IQCM: variants seen among roughly 807,000 people sequenced by gnomAD.
IQCM encodes IQ motif containing M.
IQCM carries 45 observed loss-of-function variants against 57.6 expected under a neutral mutation model. The ratio of observed to expected loss-of-function variants is 0.78; its 90% CI spans 0.62 to 1.00. The LOEUF (loss-of-function observed/expected upper bound fraction) is 1.00. IQCM is among the 50% of genes least tolerant of loss of function. IQCM has a pLI of 0.00. For missense variants in IQCM, 468 were observed against 511.6 expected, an observed-to-expected ratio of 0.91 and a Z score of 0.82; for synonymous variants, 148 against 158.9, an observed-to-expected ratio of 0.93 and a Z score of 0.51.
Position 149,733,397 on chromosome 4 carries a change from G to C in IQCM, c.232C>G (p.Gln78Glu). 2 of 1,231,742 alleles carry C rather than the reference G, an allele frequency of 1.6e-6. No individual in the cohort carries two copies. The highest frequency in any genetic ancestry group is 2.0e-6 in the Non-Finnish European group (2 of 987,744). 76.3% of individuals were successfully genotyped at this position (1,231,742 alleles called of 1,614,324 possible). ...CTTCTGAGTGCGGCCCGATGTTCTTGCACCACATCACGTGTTACCTTTTTG... is the reference window on the plus strand; with the variant it reads ...CTTCTGAGTGCGGCCCGATGTTCTTCCACCACATCACGTGTTACCTTTTTG... Reference protein sequence around the residue: ...IDKKVTRDVVQEHRAALRRIC... With the variant: ...IDKKVTRDVVEEHRAALRRIC... The change falls in exon 5 of 14, where the codon CAA (glutamine) becomes GAA (glutamate). Residue 78 changes from glutamine to glutamate, a missense_variant. Transcript: ENST00000636793.
chr4:149,687,638 A>G (rs1762641555), intron 5 of IQCM, among the ~76,000 whole-genome samples: 1 of 151,790 alleles, frequency 6.6e-6, no homozygotes, highest in Non-Finnish European at 1.5e-5. Flanking sequence ...CCAGGAAAGG[A>G]CATAACTAAA....
At chr4:149,735,818 A>T (rs906540516) in intron 3 of IQCM, among the ~76,000 whole-genome samples, 11 of 152,300 alleles carry the variant, frequency 7.2e-5, no homozygotes, top group Admixed American at 5.9e-4. Context: ...AAGAGTATTT[A>T]CCTTCCAACT....
intron 12 of IQCM, among the ~76,000 whole-genome samples, chr4:149,508,181 G>A (rs1377011646): frequency 1.3e-5 from 2 of 152,048 alleles, no homozygotes; most frequent in African/African-American, 4.8e-5. Flanking sequence ...GAGAACCTCT[G>A]CTAAGGCTGT....
intron 13 of IQCM, among the ~76,000 whole-genome samples, chr4:149,430,611 T>C (rs932890068): frequency 6.6e-6 from 1 of 152,026 alleles, no homozygotes; most frequent in African/African-American, 2.4e-5. Context: ...TACTCTTTAT[T>C]GTCTGGCCTC....
chr4:149,712,139 T>C (rs944818867), intron 5 of IQCM, among the ~76,000 whole-genome samples: 2 of 148,372 alleles, frequency 1.3e-5, no homozygotes, highest in South Asian at 2.1e-4. Flanking sequence ...TAGGCACTAA[T>C]AGATCCTTGG....
At chr4:149,805,564 A>G (rs1773999131) in intron 2 of IQCM, among the ~76,000 whole-genome samples, 1 of 152,096 alleles carries the variant, frequency 6.6e-6, no homozygotes, top group African/African-American at 2.4e-5. Context: ...TCTGTGAAAC[A>G]TGACCTTTCA....
intron 13 of IQCM, among the ~76,000 whole-genome samples, chr4:149,404,163 C>T (rs1732814092): frequency 6.6e-6 from 1 of 151,958 alleles, no homozygotes; most frequent in Non-Finnish European, 1.5e-5. Flanking sequence ...TTCGATACAC[C>T]TTGCAACATT....
chr4:149,650,404 GTTTT>G (rs35846638), intron 7 of IQCM, among the ~76,000 whole-genome samples: 8 of 132,562 alleles, frequency 6.0e-5, no homozygotes, highest in Non-Finnish European at 6.4e-5. Context: ...TAATTTCTGG[GTTTT>G]TTTTTTTTTT....
chr4:149,797,077 CA>C (rs1366111070), intron 2 of IQCM, among the ~76,000 whole-genome samples: 1 of 152,020 alleles, frequency 6.6e-6, no homozygotes, highest in African/African-American at 2.4e-5. Flanking sequence ...AATAAGACAC[CA>C]GGGGCCAATC....
chr4:149,545,784 G>T (rs1411368207), intron 12 of IQCM, among the ~76,000 whole-genome samples: 2 of 151,556 alleles, frequency 1.3e-5, no homozygotes, highest in Non-Finnish European at 2.9e-5. Context: ...CAACCTAAGT[G>T]CCTGTCAACA....
In IQCM at chr4:149,481,701, G is replaced by GTTTTTTTTTTTGTTTGTTTGT. The variant is rs1740825058; in HGVS notation, c.1229-48145_1229-48144insACAAACAAACAAAAAAAAAAA. On this transcript the variant is annotated intron_variant, in intron 12 of 13. Coordinates refer to ENST00000636793, the MANE Select transcript of IQCM (RefSeq NM_001363507.2). ...CATGTAATGTGATTCTTCCAGTTTT[G>GTTTTTTTTTTTGTTTGTTTGT]TTTTTTTTTTTTTTTTTTTTTGCTT... Among the ~76,000 whole-genome samples the GTTTTTTTTTTTGTTTGTTTGT allele has an allele frequency of 3.9e-5, 2 of 51,550 alleles. 1 individual carries two copies. The highest frequency in any genetic ancestry group is 1.5e-4 in the African/African-American group (2 of 13,212). The allele number at this position is 51,550 out of a possible 152,430, so 33.8% of individuals were successfully genotyped here. A position where few individuals can be genotyped will look rare whatever the true frequency, so the allele number is the denominator to read the frequency against.
At chr4:149,777,573 C>T (rs1033321677) in intron 2 of IQCM, among the ~76,000 whole-genome samples, 8 of 152,068 alleles carry the variant, frequency 5.3e-5, no homozygotes, top group Non-Finnish European at 8.8e-5. Context: ...GAGATTTATT[C>T]CCTGACACCT....
intron 5 of IQCM, among the ~76,000 whole-genome samples, chr4:149,728,432 T>C (rs1376373817): frequency 2.6e-5 from 4 of 152,224 alleles, no homozygotes; most frequent in African/African-American, 9.6e-5. Context: ...TGTCCATTTT[T>C]TCTCCTTTGT....
At chr4:149,666,708 T>C (rs1469560734) in intron 7 of IQCM, among the ~76,000 whole-genome samples, 4 of 152,140 alleles carry the variant, frequency 2.6e-5, no homozygotes, top group African/African-American at 9.7e-5. Flanking sequence ...CACAGCACGC[T>C]GAAGTTGACC....
intron 12 of IQCM, among the ~76,000 whole-genome samples, chr4:149,452,811 G>A (rs191898534): frequency 6.6e-6 from 1 of 151,312 alleles, no homozygotes; most frequent in African/African-American, 2.4e-5. Context: ...TTAATAAAGT[G>A]GTTAAACAAC....
chr4:149,592,835 T>C (rs1458403916), intron 8 of IQCM, among the ~76,000 whole-genome samples: 2 of 152,198 alleles, frequency 1.3e-5, no homozygotes, highest in Non-Finnish European at 2.9e-5. Flanking sequence ...TTGGTACCAG[T>C]ACCATGCTGT....
At position 149,777,843 on chromosome 4, in the gene IQCM, CT is replaced by C. The variant is rs1771234757; in HGVS notation, c.-48-35105del. ...ACTGACGCAGTGGTGCGTTCCCTAA[CT>C]TTTCTTTTCATTTCATATATCTCAG... On this transcript the variant is annotated intron_variant, in intron 2 of 13. Coordinates refer to ENST00000636793, the MANE Select transcript of IQCM (RefSeq NM_001363507.2). Among the ~76,000 whole-genome samples, 12 of 152,228 alleles carry C rather than the reference CT, an allele frequency of 7.9e-5. No individual in the cohort carries two copies. In the South Asian group the frequency reaches 2.5e-3, roughly 32 times the overall value.
At chr4:149,381,489 G>A (rs771505322) in intron 13 of IQCM, among the ~76,000 whole-genome samples, 37 of 152,008 alleles carry the variant, frequency 2.4e-4, no homozygotes, top group African/African-American at 3.4e-4. Context: ...TTACGTAGGC[G>A]TCTCAGCTCT....
intron 12 of IQCM, among the ~76,000 whole-genome samples, chr4:149,478,934 A>T (rs1740488988): frequency 1.3e-5 from 2 of 150,578 alleles, no homozygotes; most frequent in Non-Finnish European, 1.5e-5. Context: ...AAATGCAACC[A>T]CCTAGAGGGA....
Sources: allele counts gnomAD v4.1 joint callset (sites outside exome capture counted in the v4.1 genomes callset), GRCh38; gene constraint gnomAD v4.1.1; transcripts MANE v1.5; gene names NCBI Gene and HGNC (gene_info 2026-07-23, HGNC 2026-07-21).